The following SELP variants were observed in gnomAD, a reference collection of about 807,000 sequenced individuals.
The protein encoded by SELP is selectin P.
A neutral mutation model predicts 104.1 loss-of-function variants in SELP; 92 were observed. The ratio of observed to expected loss-of-function variants is 0.88; its 90% CI spans 0.75 to 1.05. The LOEUF (loss-of-function observed/expected upper bound fraction) is 1.05. SELP is among the 50% of genes least tolerant of loss of function. The pLI is 0.00. For synonymous variants in SELP, 397 were observed against 364.5 expected, an observed-to-expected ratio of 1.09 and a Z score of -1.01; for missense variants, 1,022 against 1,017.3, an observed-to-expected ratio of 1.00 and a Z score of -0.06.
intron 7 of SELP, among the ~76,000 whole-genome samples, chr1:169,611,019 G>C (rs1662503662): frequency 1.3e-5 from 2 of 152,108 alleles, no homozygotes; most frequent in Admixed American, 1.3e-4. Flanking sequence ...TATAAACTGA[G>C]GGTGTGAGGC....
chr1:169,613,113 C>A lies in SELP; in HGVS notation c.591G>T (p.Val197=). 1.3e-6 allele frequency: 2 copies of A among 1,591,136 alleles called. No homozygotes were observed. Among genetic ancestry groups the A allele is most frequent in the South Asian group, 2.3e-5 (2 of 88,826 alleles). ...PGFYGPECEY[V]RECGELELPQ... ...GGAGCTCAAGTTCTCCACACTCTCT[C>A]ACTGCAGGAGACAAAATAGTGATTT... Residue 197 remains valine (V), a splice_region_variant and synonymous_variant, in exon 5 of 17, where the codon GTG becomes GTT. Transcript: ENST00000263686.
At chr1:169,618,501 A>G (rs536988710) in intron 2 of SELP, among the ~76,000 whole-genome samples, 69 of 152,194 alleles carry the variant, frequency 4.5e-4, no homozygotes, top group Non-Finnish European at 8.5e-4. Context: ...GCCATTTCCC[A>G]CATGAAGAGG....
intron 1 of SELP, among the ~76,000 whole-genome samples, chr1:169,626,963 A>G (rs1663400732): frequency 6.6e-6 from 1 of 151,916 alleles, no homozygotes; most frequent in Non-Finnish European, 1.5e-5. Context: ...CTGATATTAT[A>G]GGGGTGAGAG....
At chr1:169,604,404 C>T (rs1475500760) in intron 9 of SELP, among the ~76,000 whole-genome samples, 3 of 152,134 alleles carry the variant, frequency 2.0e-5, no homozygotes, top group African/African-American at 7.2e-5. Flanking sequence ...TGTAGGTTGC[C>T]TGTTCACTCT....
chr1:169,611,400 A>C, intron 7 of SELP, 92 bp downstream of exon 7: 2 of 1,305,438 alleles, frequency 1.5e-6, no homozygotes, highest in Non-Finnish European at 2.1e-6. Flanking sequence ...AGAACTTAGA[A>C]GAGATCACCC....
At chr1:169,594,380 T>G (rs914177500) in intron 13 of SELP, among the ~76,000 whole-genome samples, 1 of 152,166 alleles carries the variant, frequency 6.6e-6, no homozygotes, top group Non-Finnish European at 1.5e-5. Context: ...GAAATCTGCA[T>G]GAAATAACTC....
At chr1:169,589,656 A>C (rs189094240) in intron 16 of SELP, 195 bp from the exon 17 acceptor site, 387 of 152,950 alleles carry the variant, frequency 2.5e-3, no homozygotes, top group Non-Finnish European at 4.3e-3. Flanking sequence ...CTACACCCTG[A>C]GGCGCAGCAT....
At position 169,619,824 on chromosome 1, in the gene SELP, A is replaced by G. The variant is rs151206111; in HGVS notation, c.4-605T>C. On this transcript the variant is annotated intron_variant, in intron 1 of 16. Transcript: ENST00000263686. ...TAATATTTCTTAATATATGCAGTAA[A>G]CTTGTTCCCCTTGGATCTATAGCAA... is the stretch of plus-strand genomic sequence containing the variant. Among the ~76,000 whole-genome samples, 115 of 152,296 alleles carry G rather than the reference A, an allele frequency of 7.6e-4. 1 individual carries two copies. The highest frequency in any genetic ancestry group is 2.7e-3 in the African/African-American group (111 of 41,556).
At chr1:169,613,817 G>T (rs1260091221) in intron 3 of SELP, 124 bp from the exon 4 acceptor site, 2 of 747,860 alleles carry the variant, frequency 2.7e-6, no homozygotes, top group Non-Finnish European at 4.6e-6. Flanking sequence ...CAAGAGGGAA[G>T]CACAGTATCT....
In SELP at chr1:169,613,024, C is replaced by G; in HGVS notation, c.680G>C (p.Ser227Thr). 1 of 1,613,942 alleles carries G rather than the reference C, an allele frequency of 6.2e-7. No individual in the cohort carries two copies. Among genetic ancestry groups the G allele is most frequent in the Non-Finnish European group, 8.5e-7 (1 of 1,179,866 alleles). ...TTGGTACCCGTCAGTGCAGTGGAAG[C>G]TGCACTGCGAGTTAAAAGAGAAGTT... ...LGNFSFNSQCSFHCTDGYQVN... is the reference protein window; with the variant it reads ...LGNFSFNSQCTFHCTDGYQVN... The change falls in exon 5 of 17, where the codon AGC (serine) becomes ACC (threonine). Residue 227 changes from serine to threonine, a missense_variant. Transcript: ENST00000263686.
chr1:169,621,782 C>A (rs1031075853), intron 1 of SELP, among the ~76,000 whole-genome samples: 1 of 152,146 alleles, frequency 6.6e-6, no homozygotes, highest in Admixed American at 6.5e-5. Flanking sequence ...AGTATCATAA[C>A]GTTATGATTT....
At chr1:169,597,404 CAAAG>C (rs1318308217) in intron 10 of SELP, among the ~76,000 whole-genome samples, 2 of 152,164 alleles carry the variant, frequency 1.3e-5, no homozygotes, top group Non-Finnish European at 2.9e-5. Context: ...GTCACGAAGA[CAAAG>C]AAGTCAAAGA....
At chr1:169,621,040 T>TTC (rs1280417847) in intron 1 of SELP, among the ~76,000 whole-genome samples, 1 of 145,494 alleles carries the variant, frequency 6.9e-6, no homozygotes. Context: ...TGTGTGTATG[T>TTC]GTGTGTCATG....
Position 169,618,972 on chromosome 1 carries a change from A to G in SELP, c.94+157T>C, listed in dbSNP as rs963672675. 3.3e-5 allele frequency among the ~76,000 whole-genome samples: 5 copies of G among 152,232 alleles called. No homozygotes were observed. In the East Asian group the frequency reaches 5.8e-4, roughly 18 times the overall value. ...TCTTTCCTATGCCCTTTCTACCAAT[A>G]TGATGGCGTTGGGTACATTTGTCTT... On this transcript the variant is annotated intron_variant, in intron 2 of 16. Coordinates refer to ENST00000263686, the MANE Select transcript of SELP (RefSeq NM_003005.4).
At chr1:169,602,953 A>C (rs772717208) in intron 10 of SELP, 73 bp downstream of exon 10, 3 of 1,338,414 alleles carry the variant, frequency 2.2e-6, no homozygotes, top group Non-Finnish European at 3.1e-6. Context: ...ACACTTTTAT[A>C]TAAATCCCTG....
intron 14 of SELP, 91 bp from the exon 15 acceptor site, chr1:169,591,547 AC>A: frequency 1.2e-6 from 1 of 846,384 alleles, no homozygotes. Flanking sequence ...ACTGGGGAAA[AC>A]CAGTAGACTG....
chr1:169,598,685 T>G (rs1056412808), intron 10 of SELP, among the ~76,000 whole-genome samples: 3 of 152,146 alleles, frequency 2.0e-5, no homozygotes, highest in Non-Finnish European at 4.4e-5. Context: ...TCTCCCAGAA[T>G]TACAACTTTA....
At chr1:169,607,457 G>A (rs1290829923) in intron 8 of SELP, among the ~76,000 whole-genome samples, 1 of 152,064 alleles carries the variant, frequency 6.6e-6, no homozygotes, top group African/African-American at 2.4e-5. Flanking sequence ...GACATTATTT[G>A]TAAGAGCGGA....
chr1:169,621,125 C>A (rs1302835167), intron 1 of SELP, among the ~76,000 whole-genome samples: 2 of 115,332 alleles, frequency 1.7e-5, no homozygotes, highest in African/African-American at 6.9e-5. Context: ...GTGTGTCACA[C>A]CCCAGTGATG....
Sources: gnomAD v4.1 joint callset for allele counts (sites outside exome capture counted in the v4.1 genomes callset) on GRCh38, gnomAD v4.1.1 for gene constraint, MANE v1.5 for transcripts, NCBI Gene and HGNC (gene_info 2026-07-23, HGNC 2026-07-21) for gene names.